Variants in PTPN14 observed in about 807,000 individuals in gnomAD.
PTPN14 encodes the protein protein tyrosine phosphatase non-receptor type 14, also known as tyrosine-protein phosphatase non-receptor type 14.
Under a neutral mutation model 126.8 loss-of-function variants are expected in PTPN14, and 53 were observed. The ratio of observed to expected loss-of-function variants is 0.42; its 90% CI spans 0.34 to 0.53. The LOEUF (loss-of-function observed/expected upper bound fraction) is 0.53, where lower values mean the gene tolerates loss of function less well. Among genes scored for constraint, PTPN14 ranks in the 20% least tolerant of loss-of-function variants. The pLI, the probability that PTPN14 is intolerant of heterozygous loss-of-function variation, is 0.08. For missense variants in PTPN14, 1,257 were observed against 1,552.9 expected (o/e 0.81, Z 3.20); for synonymous variants, 630 against 599.3 (o/e 1.05, Z -0.75).
intron 1 of PTPN14, among the ~76,000 whole-genome samples, chr1:214,512,884 T>C (rs113815471): frequency 0.01 from 1,520 of 151,904 alleles, 22 homozygotes; most frequent in African/African-American, 0.035. Flanking sequence ...TAGAGACAAG[T>C]TTTTGCCACG....
intron 3 of PTPN14, 60 bp downstream of exon 3, chr1:214,451,745 T>C (rs1660276156): frequency 1.2e-5 from 19 of 1,560,246 alleles, no homozygotes; most frequent in Middle Eastern, 1.7e-4. Flanking sequence ...ATCTACTTCA[T>C]TGGAAGCTTC....
At chr1:214,544,561 C>A (rs1025886918) in intron 1 of PTPN14, among the ~76,000 whole-genome samples, 1 of 152,100 alleles carries the variant, frequency 6.6e-6, no homozygotes, top group Non-Finnish European at 1.5e-5. Flanking sequence ...ACCAGCCTGG[C>A]CAACACAGCA....
chr1:214,532,944 T>A, intron 1 of PTPN14: 1 of 797,688 alleles, frequency 1.3e-6, no homozygotes, highest in South Asian at 1.3e-5. Context: ...GGGCCCAATA[T>A]GACAAGCTGG....
Position 214,349,953 on chromosome 1 carries a change from C to G in PTPN14, c.*7969G>C, listed in dbSNP as rs1414611920. On this transcript the variant is annotated 3_prime_UTR_variant, in exon 19 of 19. Coordinates refer to ENST00000366956, the MANE Select transcript of PTPN14 (RefSeq NM_005401.5). The stretch of plus-strand genomic sequence containing the variant: ...TGCCAGGCACCCCAGTTCTGAGAGC[C>G]ACCCTAGCTAAACTCAAAGCAGCAT... 6.6e-6 allele frequency: 1 copy of G among 152,174 alleles called. No individual in the cohort carries two copies. Among genetic ancestry groups the G allele is most frequent in the Non-Finnish European group, 1.5e-5 (1 of 68,050 alleles). 9.4% of individuals were successfully genotyped at this position (152,174 alleles called of 1,614,324 possible). A position where few individuals can be genotyped will look rare whatever the true frequency, so the allele number is the denominator to read the frequency against.
chr1:214,527,745 T>C (rs1463988084), intron 1 of PTPN14, among the ~76,000 whole-genome samples: 5 of 152,288 alleles, frequency 3.3e-5, no homozygotes, highest in African/African-American at 7.2e-5. Flanking sequence ...CACAATGAAG[T>C]AGAAAAATCT....
chr1:214,535,638 G>A (rs570384481), intron 1 of PTPN14, among the ~76,000 whole-genome samples: 1 of 152,254 alleles, frequency 6.6e-6, no homozygotes, highest in East Asian at 1.9e-4. Context: ...AATTAGCCGG[G>A]CCTGGTGGCG....
chr1:214,410,764 A>T (rs1659289688), intron 5 of PTPN14, among the ~76,000 whole-genome samples: 1 of 152,004 alleles, frequency 6.6e-6, no homozygotes, highest in Non-Finnish European at 1.5e-5. Flanking sequence ...TTGGTTTTAG[A>T]TGTGTGTGAT....
chr1:214,452,161 A>C (rs1242679666), intron 2 of PTPN14, among the ~76,000 whole-genome samples, 187 bp from the exon 3 acceptor site: 1 of 152,260 alleles, frequency 6.6e-6, no homozygotes. Context: ...TGTAACATAC[A>C]TGGAGTATCC....
At chr1:214,533,369 C>T in intron 1 of PTPN14, 1 of 469,696 alleles carries the variant, frequency 2.1e-6, no homozygotes, top group Non-Finnish European at 4.0e-6. Flanking sequence ...TGGTGATGGA[C>T]AGCAGCAACT....
chr1:214,512,115 A>G lies in PTPN14; in HGVS notation c.-155+39068T>C, dbSNP rs113343703. On this transcript the variant is annotated intron_variant, in intron 1 of 18. Transcript: ENST00000366956. Reference sequence around the variant, plus strand: ...ACATCTTCCACAGGCAAACTCACCAACTCAGTGCCCACACCCCCAACCATC... The same window carrying G: ...ACATCTTCCACAGGCAAACTCACCAGCTCAGTGCCCACACCCCCAACCATC... 2.2e-3 allele frequency among the ~76,000 whole-genome samples: 331 copies of G among 151,898 alleles called. 3 individuals are homozygous for G. Among genetic ancestry groups the G allele is most frequent in the African/African-American group, 7.6e-3 (316 of 41,424 alleles).
At chr1:214,427,814 G>T (rs931040155) in intron 3 of PTPN14, among the ~76,000 whole-genome samples, 28 of 152,170 alleles carry the variant, frequency 1.8e-4, no homozygotes, top group African/African-American at 6.8e-4. Flanking sequence ...TAGCCATGTG[G>T]ATATTTGGGG....
intron 2 of PTPN14, among the ~76,000 whole-genome samples, chr1:214,461,100 A>G (rs1660500727): frequency 6.6e-6 from 1 of 151,814 alleles, no homozygotes; most frequent in Admixed American, 6.6e-5. Context: ...TTTTACTGTG[A>G]ATCTAAAATT....
chr1:214,366,893 A>C (rs1385577550), intron 17 of PTPN14, among the ~76,000 whole-genome samples: 1 of 151,108 alleles, frequency 6.6e-6, no homozygotes, highest in Non-Finnish European at 1.5e-5. Context: ...CTGAGGCAGG[A>C]GAATGGCGTG....
At chr1:214,441,242 G>A (rs17789069) in intron 3 of PTPN14, among the ~76,000 whole-genome samples, 3,984 of 152,272 alleles carry the variant, frequency 0.026, 74 homozygotes, top group Middle Eastern at 0.048. Context: ...GAGATACTTA[G>A]CATAGCATCT....
intron 14 of PTPN14, 73 bp from the exon 15 acceptor site, chr1:214,376,510 T>C: frequency 1.5e-6 from 2 of 1,295,548 alleles, no homozygotes; most frequent in South Asian, 2.6e-5. Flanking sequence ...CAAATTTCTT[T>C]AAATATTTAG....
intron 15 of PTPN14, among the ~76,000 whole-genome samples, chr1:214,375,471 G>A (rs1658323558): frequency 6.6e-6 from 1 of 152,196 alleles, no homozygotes; most frequent in Non-Finnish European, 1.5e-5. Context: ...AGAGCAAATG[G>A]TGACATTCTA....
intron 5 of PTPN14, among the ~76,000 whole-genome samples, chr1:214,409,997 G>C (rs563482185): frequency 2.0e-5 from 3 of 152,056 alleles, no homozygotes; most frequent in Admixed American, 6.6e-5. Flanking sequence ...TTTTAATAGG[G>C]CTATTTGTTT....
chr1:214,449,011 C>CTTTTTTTTCTTTTTTT lies in PTPN14; in HGVS notation c.344+2793_344+2794insAAAAAAAGAAAAAAAA, dbSNP rs1553267717. 1.9e-4 allele frequency among the ~76,000 whole-genome samples: 21 copies of CTTTTTTTTCTTTTTTT among 112,440 alleles called. 2 individuals carry two copies. The highest frequency in any genetic ancestry group is 7.3e-4 in the African/African-American group (20 of 27,562). 73.8% of individuals were successfully genotyped at this position (112,440 alleles called of 152,430 possible). A position where few individuals can be genotyped will look rare whatever the true frequency, so the allele number is the denominator to read the frequency against. Reference sequence around the variant, plus strand: ...TGTGCCCTTGTAAGACTTAATTTTTCTTTTTTTTTTTTTGAGACGGAGTCT... The same window carrying CTTTTTTTTCTTTTTTT: ...TGTGCCCTTGTAAGACTTAATTTTTCTTTTTTTTCTTTTTTTTTTTTTTTTTTTTGAGACGGAGTCT... On this transcript the variant is annotated intron_variant, in intron 3 of 18. Coordinates refer to ENST00000366956, the MANE Select transcript of PTPN14 (RefSeq NM_005401.5).
At chr1:214,427,055 C>T (rs113669380) in intron 3 of PTPN14, among the ~76,000 whole-genome samples, 1 of 151,910 alleles carries the variant, frequency 6.6e-6, no homozygotes, top group Non-Finnish European at 1.5e-5. Flanking sequence ...CCGAGGCGGG[C>T]GGATCACAAG....
Sources: gnomAD v4.1 joint callset for allele counts (sites outside exome capture counted in the v4.1 genomes callset) on GRCh38, gnomAD v4.1.1 for gene constraint, MANE v1.5 for transcripts, NCBI Gene and HGNC (gene_info 2026-07-23, HGNC 2026-07-21) for gene names.